SV2C: variants seen among roughly 807,000 people sequenced by gnomAD.
SV2C encodes the protein solute carrier family 22 member B3.
SV2C carries 49 observed loss-of-function variants against 79.7 expected under a neutral mutation model. The observed-to-expected ratio is 0.61, with a 90% confidence interval of 0.49 to 0.78. The LOEUF is 0.78. Among genes scored for constraint, SV2C ranks in the 30% least tolerant of loss-of-function variants. The pLI is 0.00. For missense variants in SV2C, 833 were observed against 912.9 expected (o/e 0.91, Z 1.13); for synonymous variants, 334 against 333.2 (o/e 1.00, Z -0.03).
At chr5:76,197,707 C>CAGATAGATAGATAGATGGAT (rs1554039520) in intron 3 of SV2C, among the ~76,000 whole-genome samples, 3 of 145,494 alleles carry the variant, frequency 2.1e-5, no homozygotes, top group African/African-American at 7.8e-5. Context: ...GATAGACAGG[C>CAGATAGATAGATAGATGGAT]AGATAGATAG....
chr5:76,087,226 C>T (rs183425476), intron 1 of SV2C, among the ~76,000 whole-genome samples: 1 of 152,172 alleles, frequency 6.6e-6, no homozygotes, highest in Admixed American at 6.5e-5. Context: ...AAAAATAATT[C>T]CTGCTTAACA....
intron 4 of SV2C, among the ~76,000 whole-genome samples, chr5:76,266,789 TA>T (rs60469297): frequency 0.39 from 57,117 of 145,742 alleles, 11,549 homozygotes; most frequent in African/African-American, 0.53. Context: ...AATTATACAG[TA>T]AAAAAAAAAA....
At chr5:75,946,420 A>T in the SV2C span, among the ~76,000 whole-genome samples, 1 of 152,248 alleles carries the variant, frequency 6.6e-6, no homozygotes, top group South Asian at 2.1e-4. Flanking sequence ...AGTCAGTTCC[A>T]TGGGTTTACA....
At chr5:76,204,545 T>A (rs1465958119) in intron 3 of SV2C, among the ~76,000 whole-genome samples, 2 of 152,200 alleles carry the variant, frequency 1.3e-5, no homozygotes, top group Non-Finnish European at 2.9e-5. Context: ...GCTTGACAAT[T>A]ATATGGTGAA....
chr5:76,241,044 C>A (rs537317668), intron 4 of SV2C, among the ~76,000 whole-genome samples: 12 of 152,210 alleles, frequency 7.9e-5, no homozygotes, highest in African/African-American at 2.9e-4. Flanking sequence ...GCAACCTCCA[C>A]CTCCCAGGTT....
chr5:75,879,069 G>C, the SV2C span, among the ~76,000 whole-genome samples: 1 of 152,160 alleles, frequency 6.6e-6, no homozygotes, highest in Non-Finnish European at 1.5e-5. Flanking sequence ...AACGAGTTCT[G>C]TCATCGCCAA....
chr5:75,940,435 G>A, the SV2C span, among the ~76,000 whole-genome samples: 93 of 138,930 alleles, frequency 6.7e-4, no homozygotes, highest in South Asian at 7.8e-3. Context: ...TTTTTCACTC[G>A]CCTGTGCAGT....
intron 4 of SV2C, among the ~76,000 whole-genome samples, chr5:76,265,686 C>A (rs1429657650): frequency 6.6e-6 from 1 of 152,084 alleles, no homozygotes; most frequent in Non-Finnish European, 1.5e-5. Context: ...ATAGCACCAT[C>A]CCTCATGGCT....
At chr5:75,868,725 C>T in the SV2C span, among the ~76,000 whole-genome samples, 1 of 152,240 alleles carries the variant, frequency 6.6e-6, no homozygotes, top group South Asian at 2.1e-4. Flanking sequence ...GGCAGAGTCC[C>T]AGGGCTGGGT....
Position 76,131,941 on chromosome 5 carries a change from C to A in SV2C, c.191C>A (p.Thr64Asn). Reference protein sequence around the residue: ...DDDDYYPAGETYNGEANDDEG... With the variant: ...DDDDYYPAGENYNGEANDDEG... ...GATGACTACTACCCGGCTGGAGAAA[C>A]CTATAATGGTGAGGCCAACGATGAC... Residue 64 changes from threonine to asparagine, a missense_variant, in exon 2 of 13, where the codon ACC becomes AAC. By Grantham distance (65) the Thr-to-Asn change is moderately conservative. Coordinates refer to ENST00000502798, the MANE Select transcript of SV2C (RefSeq NM_014979.4). The A allele has an allele frequency of 1.2e-6, 2 of 1,613,984 alleles. No homozygotes were observed. Among genetic ancestry groups the A allele is most frequent in the Non-Finnish European group, 8.5e-7 (1 of 1,179,982 alleles).
chr5:75,904,180 CT>C, the SV2C span, among the ~76,000 whole-genome samples: 11 of 152,018 alleles, frequency 7.2e-5, no homozygotes, highest in South Asian at 2.1e-4. Context: ...GAGAGATAAA[CT>C]TTTTTTTCCT....
At chr5:76,097,015 T>G (rs1288008725) in intron 1 of SV2C, among the ~76,000 whole-genome samples, 2 of 152,162 alleles carry the variant, frequency 1.3e-5, no homozygotes, top group Non-Finnish European at 2.9e-5. Flanking sequence ...ATATGCATCC[T>G]TCTAGTTCTG....
chr5:76,300,579 A>T, intron 10 of SV2C, 150 bp from the exon 11 acceptor site: 1 of 701,872 alleles, frequency 1.4e-6, no homozygotes. Context: ...TGCTTTGGCC[A>T]GAAGACCCAA....
intron 4 of SV2C, among the ~76,000 whole-genome samples, chr5:76,235,136 G>T (rs1455429405): frequency 1.4e-5 from 2 of 141,512 alleles, no homozygotes; most frequent in Admixed American, 7.1e-5. Flanking sequence ...TTCACAAAAG[G>T]ATCAGAAAAA....
the SV2C span, among the ~76,000 whole-genome samples, chr5:75,864,697 G>A: frequency 6.6e-6 from 1 of 152,164 alleles, no homozygotes; most frequent in African/African-American, 2.4e-5. Flanking sequence ...TCCCAGCATG[G>A]GAGCAAGTAT....
At chr5:76,258,198 G>A (rs1453362265) in intron 4 of SV2C, among the ~76,000 whole-genome samples, 1 of 151,766 alleles carries the variant, frequency 6.6e-6, no homozygotes, top group Non-Finnish European at 1.5e-5. Context: ...CGACCACAAA[G>A]GTCAGAGCTT....
intron 12 of SV2C, among the ~76,000 whole-genome samples, chr5:76,306,735 A>G (rs537772134): frequency 2.6e-5 from 4 of 152,254 alleles, no homozygotes; most frequent in African/African-American, 9.6e-5. Flanking sequence ...ATGAATTAAT[A>G]ACCTGAATAT....
the SV2C span, among the ~76,000 whole-genome samples, chr5:75,886,674 T>G: frequency 6.6e-6 from 1 of 152,144 alleles, no homozygotes; most frequent in South Asian, 2.1e-4. Context: ...GCCCTTCTTT[T>G]AACTCAGTAA....
chr5:75,935,852 C>T, the SV2C span, among the ~76,000 whole-genome samples: 1 of 152,118 alleles, frequency 6.6e-6, no homozygotes, highest in African/African-American at 2.4e-5. Flanking sequence ...CTATTCATTT[C>T]TGTATCATTT....
Sources: allele counts gnomAD v4.1 joint callset (sites outside exome capture counted in the v4.1 genomes callset), GRCh38; gene constraint gnomAD v4.1.1; transcripts MANE v1.5; gene names NCBI Gene and HGNC (gene_info 2026-07-23, HGNC 2026-07-21).